OXCT1: variants seen among roughly 807,000 people sequenced by gnomAD.
OXCT1 encodes 3-oxoacid CoA-transferase 1, also known as succinyl-CoA:3-ketoacid coenzyme A transferase 1, mitochondrial.
Under a neutral mutation model 69.6 loss-of-function variants are expected in OXCT1, and 27 were observed. That is an observed-to-expected ratio of 0.39 (90% CI 0.29 to 0.54). The LOEUF is 0.54. OXCT1 is among the 20% of genes least tolerant of loss of function. The pLI is 0.72. For synonymous variants in OXCT1, 202 were observed against 217.8 expected (o/e 0.93, Z 0.64); for missense variants, 437 against 650.2 (o/e 0.67, Z 3.57).
chr5:41,734,767 A>G (rs1316157471), intron 16 of OXCT1, among the ~76,000 whole-genome samples: 1 of 152,224 alleles, frequency 6.6e-6, no homozygotes, highest in African/African-American at 2.4e-5. Flanking sequence ...CCATGTGTCA[A>G]AGAAAACAGT....
intron 3 of OXCT1, among the ~76,000 whole-genome samples, chr5:41,860,764 C>G (rs573555463): frequency 6.6e-6 from 1 of 152,092 alleles, no homozygotes; most frequent in South Asian, 2.1e-4. Flanking sequence ...AAAATGATGG[C>G]TTATTTCTGA....
intron 10 of OXCT1, 28 bp from the exon 11 acceptor site, chr5:41,801,098 G>C (rs1453326337): frequency 6.5e-7 from 1 of 1,538,834 alleles, no homozygotes; most frequent in Non-Finnish European, 9.0e-7. Context: ...CATTCAATTA[G>C]TAAATGAAGA....
chr5:41,855,245 G>A (rs553232319), intron 3 of OXCT1, among the ~76,000 whole-genome samples: 1 of 152,260 alleles, frequency 6.6e-6, no homozygotes, highest in Non-Finnish European at 1.5e-5. Context: ...TAAGGCTAAC[G>A]ATTAATATTG....
intron 1 of OXCT1, among the ~76,000 whole-genome samples, chr5:41,864,589 A>AG (rs1213924269): frequency 1.1e-4 from 16 of 152,248 alleles, no homozygotes. Context: ...GATATCTCCT[A>AG]GACACACTTA....
At chr5:41,852,683 C>A (rs901206404) in intron 4 of OXCT1, among the ~76,000 whole-genome samples, 1 of 152,148 alleles carries the variant, frequency 6.6e-6, no homozygotes, top group Non-Finnish European at 1.5e-5. Flanking sequence ...GTTCTGATCC[C>A]AGCACTTACT....
intron 13 of OXCT1, among the ~76,000 whole-genome samples, chr5:41,770,169 C>T (rs1744816276): frequency 1.3e-5 from 2 of 152,146 alleles, no homozygotes; most frequent in Admixed American, 1.3e-4. Flanking sequence ...AACTGAATTC[C>T]ATCTTCAAGT....
At chr5:41,787,634 C>CAAAAAAAA (rs765691863) in intron 13 of OXCT1, among the ~76,000 whole-genome samples, 16 of 34,666 alleles carry the variant, frequency 4.6e-4, no homozygotes, top group East Asian at 1.6e-3. Context: ...AAGCATTAGG[C>CAAAAAAAA]AAAAAAAAAA....
At chr5:41,748,481 A>T (rs901938926) in intron 15 of OXCT1, among the ~76,000 whole-genome samples, 1 of 152,104 alleles carries the variant, frequency 6.6e-6, no homozygotes, top group Admixed American at 6.6e-5. Flanking sequence ...TCTTTTCAAC[A>T]ATCCCTGTTC....
intron 15 of OXCT1, among the ~76,000 whole-genome samples, chr5:41,743,143 G>A: frequency 6.6e-6 from 1 of 152,164 alleles, no homozygotes; most frequent in East Asian, 1.9e-4. Flanking sequence ...AGCACCTGTT[G>A]TTTCCTGACT....
chr5:41,792,096 TC>T, intron 13 of OXCT1, among the ~76,000 whole-genome samples: 1 of 152,256 alleles, frequency 6.6e-6, no homozygotes, highest in South Asian at 2.1e-4. Context: ...AGCCACTGCG[TC>T]CGGCCCGCAA....
At position 41,846,225 on chromosome 5, in the gene OXCT1, C is replaced by T. The variant is rs1341136542; in HGVS notation, c.565-3444G>A. 4.6e-5 allele frequency among the ~76,000 whole-genome samples: 7 copies of T among 150,552 alleles called. No homozygotes were observed. The East Asian group carries it at 1.2e-3, about 25-fold the overall frequency. ...ATACATGTGCCATGCTGGTGTGCTG[C>T]ACCCACTAACTCGTCATCTAGCATT... On this transcript the variant is annotated intron_variant, in intron 5 of 16. Coordinates refer to ENST00000196371, the MANE Select transcript of OXCT1 (RefSeq NM_000436.4).
chr5:41,812,201 A>G (rs948222445), intron 7 of OXCT1, among the ~76,000 whole-genome samples: 4 of 152,056 alleles, frequency 2.6e-5, no homozygotes, highest in African/African-American at 9.7e-5. Context: ...ATGACAACGT[A>G]AAATTGGAAT....
At chr5:41,752,443 T>A (rs1260730584) in intron 14 of OXCT1, among the ~76,000 whole-genome samples, 1 of 152,070 alleles carries the variant, frequency 6.6e-6, no homozygotes, top group African/African-American at 2.4e-5. Flanking sequence ...GAGAAATAGA[T>A]ACAAAGCATA....
intron 3 of OXCT1, among the ~76,000 whole-genome samples, chr5:41,858,499 T>C (rs1317048478): frequency 6.6e-6 from 1 of 152,212 alleles, no homozygotes; most frequent in Non-Finnish European, 1.5e-5. Context: ...CAACATTTTT[T>C]AGCATACTAA....
intron 14 of OXCT1, among the ~76,000 whole-genome samples, chr5:41,753,960 C>T (rs1327490214): frequency 6.6e-6 from 1 of 151,958 alleles, no homozygotes; most frequent in Non-Finnish European, 1.5e-5. Context: ...CATGACGGGG[C>T]TTATAAGACT....
At position 41,870,114 on chromosome 5, in the gene OXCT1, G is replaced by A. The variant is rs1481738084; in HGVS notation, c.78+167C>T. The A allele has an allele frequency of 6.1e-5, 42 of 689,482 alleles. No homozygotes were observed. The highest frequency in any genetic ancestry group is 9.0e-5 in the Non-Finnish European group (34 of 377,994). 42.7% of individuals were successfully genotyped at this position (689,482 alleles called of 1,614,324 possible). A position where few individuals can be genotyped will look rare whatever the true frequency, so the allele number is the denominator to read the frequency against. On this transcript the variant is annotated intron_variant, in intron 1 of 16. Coordinates refer to ENST00000196371, the MANE Select transcript of OXCT1 (RefSeq NM_000436.4). This position sits in a 1 kb window ranked among gnomAD's most constrained non-coding sequence, Gnocchi z 4.2. ...AAAGGCGGTCATCCGAGGGGCCGGC[G>A]AGGCCAGGAACGCGTCGCCGCGTGT...
At chr5:41,777,902 T>TA (rs1362968819) in intron 13 of OXCT1, among the ~76,000 whole-genome samples, 1 of 152,176 alleles carries the variant, frequency 6.6e-6, no homozygotes, top group Admixed American at 6.5e-5. Flanking sequence ...GTTATGGCAG[T>TA]AAAAAAGAAA....
intron 7 of OXCT1, among the ~76,000 whole-genome samples, chr5:41,820,288 C>T (rs1030931926): frequency 5.3e-5 from 8 of 152,062 alleles, no homozygotes; most frequent in Admixed American, 1.3e-4. Flanking sequence ...GAGAGTAGTT[C>T]CAAATGATAC....
chr5:41,829,479 C>T (rs1747988328), intron 7 of OXCT1, among the ~76,000 whole-genome samples: 1 of 151,976 alleles, frequency 6.6e-6, no homozygotes, highest in African/African-American at 2.4e-5. Context: ...AAATGACTTG[C>T]TGTAATTGGT....
Sources: gnomAD v4.1 joint callset for allele counts (sites outside exome capture counted in the v4.1 genomes callset) on GRCh38, gnomAD v4.1.1 for gene constraint, Gnocchi (gnomAD v3.1) non-coding constraint, MANE v1.5 for transcripts, NCBI Gene and HGNC (gene_info 2026-07-23, HGNC 2026-07-21) for gene names.